The following FBXL18 variants were observed in gnomAD, a reference collection of about 807,000 sequenced individuals.
FBXL18 encodes F-box and leucine rich repeat protein 18, also known as F-box/LRR-repeat protein 18.
FBXL18 carries 36 observed loss-of-function variants against 46.0 expected under a neutral mutation model. The ratio of observed to expected loss-of-function variants is 0.78; its 90% CI spans 0.60 to 1.03. The LOEUF (loss-of-function observed/expected upper bound fraction) is 1.03, where lower values mean the gene tolerates loss of function less well. FBXL18 is among the 50% of genes least tolerant of loss of function. The pLI, the probability that FBXL18 is intolerant of heterozygous loss-of-function variation, is 0.00. For synonymous variants in FBXL18, 557 were observed against 465.3 expected (o/e 1.20, Z -2.54); for missense variants, 977 against 1,004.1 (o/e 0.97, Z 0.36).
intron 4 of FBXL18, among the ~76,000 whole-genome samples, chr7:5,462,859 G>A (rs1429462862): frequency 2.0e-5 from 3 of 147,996 alleles, no homozygotes; most frequent in Non-Finnish European, 3.0e-5. Context: ...GCTGAGGCAG[G>A]AGAATGGTGT....
chr7:5,475,617 G>GC (rs928667260), downstream of FBXL18, among the ~76,000 whole-genome samples: 6 of 152,118 alleles, frequency 3.9e-5, no homozygotes, highest in Non-Finnish European at 7.4e-5. This position sits in a 1 kb window ranked among gnomAD's most constrained non-coding sequence, Gnocchi z 4.2. Context: ...GGGAGTGTCT[G>GC]CCCCCCGCTT....
intron 4 of FBXL18, among the ~76,000 whole-genome samples, chr7:5,467,164 A>C (rs1192470726): frequency 6.6e-6 from 1 of 152,170 alleles, no homozygotes; most frequent in Non-Finnish European, 1.5e-5. Flanking sequence ...ATCCTGGCTT[A>C]CACAGTGAAA....
At chr7:5,466,342 A>C (rs1030928097) in intron 4 of FBXL18, among the ~76,000 whole-genome samples, 1 of 152,164 alleles carries the variant, frequency 6.6e-6, no homozygotes, top group Non-Finnish European at 1.5e-5. Flanking sequence ...GGTCAAGTGC[A>C]GGCCGTGCTC....
chr7:5,491,578 C>A (rs768056945), intron 3 of FBXL18, 129 bp from the exon 4 acceptor site: 4 of 715,592 alleles, frequency 5.6e-6, no homozygotes, highest in Non-Finnish European at 9.1e-6. Flanking sequence ...CCGCCACCTC[C>A]CACCAATACC....
chr7:5,461,580 C>T (rs1783247072), intron 4 of FBXL18, among the ~76,000 whole-genome samples: 1 of 152,128 alleles, frequency 6.6e-6, no homozygotes, highest in Non-Finnish European at 1.5e-5. Context: ...GAGGTCAAGG[C>T]TGCAGTGAGT....
intron 4 of FBXL18, among the ~76,000 whole-genome samples, chr7:5,463,731 T>TATTTTTTTA (rs57672683): frequency 5.6e-5 from 3 of 53,838 alleles, no homozygotes; most frequent in African/African-American, 2.8e-4. Flanking sequence ...TTTATTTATT[T>TATTTTTTTA]TTTTTTTTTT....
chr7:5,473,133 G>A (rs1217904896), downstream of FBXL18, among the ~76,000 whole-genome samples: 1 of 152,128 alleles, frequency 6.6e-6, no homozygotes, highest in African/African-American at 2.4e-5. Context: ...GGGACGGTGT[G>A]TACATGTCAA....
Position 5,465,199 on chromosome 7 carries a change from G to A in FBXL18, c.2001-17356C>T, listed in dbSNP as rs148909453. ...TGTTTACCAGATCTATGATAGGTAC[G>A]ATTTTATTGATTATTTTTTTTGAGA... On this transcript the variant is annotated intron_variant and NMD_transcript_variant, in intron 4 of 6. Coordinates refer to the FBXL18 transcript ENST00000415009. Among the ~76,000 whole-genome samples the A allele has an allele frequency of 6.9e-3, 1,043 of 151,988 alleles. 10 individuals are homozygous for A. Among genetic ancestry groups the A allele is most frequent in the African/African-American group, 0.024 (1,009 of 41,486 alleles).
intron 4 of FBXL18, 143 bp from the exon 5 acceptor site, chr7:5,482,074 G>A: frequency 1.0e-6 from 1 of 999,316 alleles, no homozygotes; most frequent in Non-Finnish European, 1.4e-6. Flanking sequence ...GCCTGCCAGA[G>A]TCACCCTCTA....
chr7:5,468,414 G>C (rs1223220085), intron 4 of FBXL18, among the ~76,000 whole-genome samples: 2 of 152,164 alleles, frequency 1.3e-5, no homozygotes, highest in Non-Finnish European at 1.5e-5. Flanking sequence ...ACCACGCCCA[G>C]CCACCTCAGA....
rs183842235 is a variant in FBXL18, at chr7:5,481,624, G to A, written c.*151C>T. On this transcript the variant is annotated 3_prime_UTR_variant, in exon 5 of 5. Coordinates refer to ENST00000382368, the MANE Select transcript of FBXL18 (RefSeq NM_024963.6). ...GAGCAACAGTCCCCATGAGAGAGCC[G>A]TGGAGACGCCGGGAGCCCCAGGAGC... 2.4e-3 allele frequency: 1,879 copies of A among 771,674 alleles called. 28 individuals are homozygous for A. The highest frequency in any genetic ancestry group is 6.1e-4 in the Non-Finnish European group (282 of 465,040). 47.8% of individuals were successfully genotyped at this position (771,674 alleles called of 1,614,324 possible).
intron 4 of FBXL18, among the ~76,000 whole-genome samples, chr7:5,466,969 C>A (rs1004128615): frequency 6.6e-6 from 1 of 152,196 alleles, no homozygotes; most frequent in Non-Finnish European, 1.5e-5. Context: ...GTAATCCCAG[C>A]ACTTTGGGAG....
chr7:5,483,676 G>A (rs1195582958), intron 4 of FBXL18, among the ~76,000 whole-genome samples: 5 of 151,616 alleles, frequency 3.3e-5, no homozygotes, highest in Non-Finnish European at 7.4e-5. Flanking sequence ...CCTGGGAGGC[G>A]GAGGTTGCAG....
rs1784271182 is a variant in FBXL18, at chr7:5,501,813, G to A, written c.456C>T (p.Asp152=). The A allele has an allele frequency of 1.3e-6, 2 of 1,581,338 alleles. No homozygotes were observed. The highest frequency in any genetic ancestry group is 1.7e-6 in the Non-Finnish European group (2 of 1,164,630). ...ALQHLRSLAI[D]VSPGFDASQL... ...GGCTGGCGTCGAAGCCGGGGCTCAC[G>A]TCGATGGCCAGCGAGCGCAGGTGCT... The change falls in exon 3 of 5, where the codon GAC becomes GAT. Residue 152 remains aspartate, a synonymous_variant. Transcript: ENST00000382368.
Position 5,501,421 on chromosome 7 carries a change from A to G in FBXL18, c.848T>C (p.Leu283Pro). Residue 283 changes from leucine to proline, a missense_variant, in exon 3 of 5, where the codon CTG (leucine) becomes CCG (proline). By Grantham distance (98) the Leu-to-Pro change is moderately conservative. Transcript: ENST00000382368. Reference protein sequence around the residue: ...FAESGATKNLLDSMARNVVLD... With the variant: ...FAESGATKNLPDSMARNVVLD... ...CACGACATTGCGCGCCATGGAGTCC[A>G]GGAGGTTCTTGGTGGCGCCGCTCTC... is the stretch of plus-strand genomic sequence containing the variant. The G allele has an allele frequency of 1.2e-6, 2 of 1,613,536 alleles. No individual in the cohort carries two copies. The highest frequency in any genetic ancestry group is 1.1e-5 in the South Asian group (1 of 91,066).
intron 4 of FBXL18, among the ~76,000 whole-genome samples, chr7:5,458,467 C>T (rs1300516427): frequency 1.3e-5 from 2 of 151,072 alleles, no homozygotes; most frequent in African/African-American, 2.4e-5. Context: ...TGGGAGGCTG[C>T]GGCGGGCGGA....
chr7:5,472,593 G>T (rs896492328), downstream of FBXL18, among the ~76,000 whole-genome samples: 7 of 152,010 alleles, frequency 4.6e-5, no homozygotes, highest in African/African-American at 1.2e-4. Context: ...ACATGGAGAG[G>T]TCTCATGGAG....
rs1403711797 is a variant in FBXL18, at chr7:5,479,845, G to C, written c.*1930C>G. 1 of 152,442 alleles carries C rather than the reference G, an allele frequency of 6.6e-6. No individual in the cohort carries two copies. The highest frequency in any genetic ancestry group is 2.4e-5 in the African/African-American group (1 of 41,454). The allele number at this position is 152,442 out of a possible 1,614,324, so 9.4% of individuals were successfully genotyped here. A position where few individuals can be genotyped will look rare whatever the true frequency, so the allele number is the denominator to read the frequency against. On this transcript the variant is annotated 3_prime_UTR_variant, in exon 5 of 5. Transcript: ENST00000382368. ...GCCTGGGGCTGGGAGAGGACCCGTGGGCTTCAGAGAGGAGGCGATGACCCC... is the reference window on the plus strand; with the variant it reads ...GCCTGGGGCTGGGAGAGGACCCGTGCGCTTCAGAGAGGAGGCGATGACCCC...
chr7:5,459,482 T>C (rs1783214053), intron 4 of FBXL18, among the ~76,000 whole-genome samples: 1 of 152,170 alleles, frequency 6.6e-6, no homozygotes, highest in African/African-American at 2.4e-5. Flanking sequence ...GGCTCACACC[T>C]GTAATCCCAG....
Sources: allele counts gnomAD v4.1 joint callset (sites outside exome capture counted in the v4.1 genomes callset), GRCh38; gene constraint gnomAD v4.1.1; non-coding constraint Gnocchi (gnomAD v3.1); transcripts MANE v1.5; gene names NCBI Gene and HGNC (gene_info 2026-07-23, HGNC 2026-07-21).